RGPD3: variants seen among roughly 807,000 people sequenced by gnomAD.
The protein encoded by RGPD3 is ranBP2-like and GRIP domain-containing protein 3.
A neutral mutation model predicts 154.5 loss-of-function variants in RGPD3; 62 were observed. The ratio of observed to expected loss-of-function variants is 0.40; its 90% CI spans 0.33 to 0.50. RGPD3 has a LOEUF of 0.50. Ranked by LOEUF, RGPD3 falls within the 20% of genes least tolerant of loss-of-function variation. RGPD3 has a pLI of 0.59. For synonymous variants in RGPD3, 308 were observed against 607.0 expected (o/e 0.51, Z 7.24); for missense variants, 919 against 1,716.8 (o/e 0.54, Z 8.21).
chr2:106,415,708 C>G lies in RGPD3; in HGVS notation c.5064+142G>C, dbSNP rs1039383010. On this transcript the variant is annotated intron_variant, in intron 21 of 22. Coordinates refer to ENST00000409886, the MANE Select transcript of RGPD3 (RefSeq NM_001144013.2). ...AAAAAAAAAAAAAAAGGCAATATTTCTCACCATCAGGAATCTAATATAAAG... is the reference window on the plus strand; with the variant it reads ...AAAAAAAAAAAAAAAGGCAATATTTGTCACCATCAGGAATCTAATATAAAG... The G allele has an allele frequency of 4.7e-5, 20 of 426,410 alleles. No homozygotes were observed. In the East Asian group the frequency reaches 1.1e-3, roughly 23 times the overall value. 26.4% of individuals were successfully genotyped at this position (426,410 alleles called of 1,614,324 possible).
In RGPD3 at chr2:106,403,622, A is replaced by T. The variant is rs1195140947; in HGVS notation, c.*1597T>A. The stretch of plus-strand genomic sequence containing the variant: ...AGAAAGTGAAATATATTTAAATATG[A>T]TTAGTTACATCGTATGCAGCTGGCA... On this transcript the variant is annotated 3_prime_UTR_variant, in exon 23 of 23. Coordinates refer to ENST00000409886, the MANE Select transcript of RGPD3 (RefSeq NM_001144013.2). 2.0e-5 allele frequency among the ~76,000 whole-genome samples: 3 copies of T among 152,418 alleles called. No individual in the cohort carries two copies. The East Asian group carries it at 5.8e-4, about 29-fold the overall frequency.
intron 20 of RGPD3, among the ~76,000 whole-genome samples, chr2:106,421,103 T>A (rs1440846134): frequency 6.6e-6 from 1 of 152,214 alleles, no homozygotes; most frequent in Non-Finnish European, 1.5e-5. Flanking sequence ...CAGTACACCG[T>A]AAGATACAGA....
intron 22 of RGPD3, among the ~76,000 whole-genome samples, chr2:106,410,228 C>G (rs991708559): frequency 4.6e-5 from 7 of 152,046 alleles, no homozygotes; most frequent in African/African-American, 4.8e-5. Context: ...TGCTGCTAAA[C>G]CATCATGGTT....
chr2:106,410,828 A>C (rs1676648310), intron 22 of RGPD3, among the ~76,000 whole-genome samples: 2 of 152,080 alleles, frequency 1.3e-5, no homozygotes, highest in Admixed American at 6.6e-5. Flanking sequence ...AAAAATATAC[A>C]TGATGTATTC....
intron 22 of RGPD3, among the ~76,000 whole-genome samples, chr2:106,410,604 C>G (rs1676639990): frequency 6.6e-6 from 1 of 152,038 alleles, no homozygotes; most frequent in South Asian, 2.1e-4. Flanking sequence ...CTATTGAAAA[C>G]TTTAATTTTA....
chr2:106,450,049 C>G (rs935798165), intron 6 of RGPD3, among the ~76,000 whole-genome samples: 1 of 144,450 alleles, frequency 6.9e-6, no homozygotes, highest in African/African-American at 2.5e-5. Flanking sequence ...TCCTGGCCAA[C>G]ATGATGAAAC....
Position 106,424,839 on chromosome 2 carries a change from T to C in RGPD3, c.3128A>G (p.Gln1043Arg), listed in dbSNP as rs755351503. 6.2e-7 allele frequency: 1 copy of C among 1,611,828 alleles called. No individual in the cohort carries two copies. The highest frequency in any genetic ancestry group is 1.7e-5 in the Admixed American group (1 of 59,986). ...TACAAGTTCTACTTTTTCAGGCATT[T>C]GAACTACTGGTTCAAAATGGATGTC... ...SDDIHFEPVV[Q>R]MPEKVELVTG... Residue 1043 changes from glutamine to arginine, a missense_variant, in exon 20 of 23, where the codon CAA (glutamine) becomes CGA (arginine). Transcript: ENST00000409886.
At chr2:106,412,293 G>GTTTTTTTT (rs772813472) in intron 22 of RGPD3, among the ~76,000 whole-genome samples, 4 of 45,024 alleles carry the variant, frequency 8.9e-5, no homozygotes, top group Admixed American at 4.0e-4. Flanking sequence ...CTACATCATA[G>GTTTTTTTT]TTTTTTTTTT....
intron 19 of RGPD3, among the ~76,000 whole-genome samples, 182 bp from the exon 20 acceptor site, chr2:106,425,448 CATT>C (rs1390271949): frequency 6.8e-6 from 1 of 147,764 alleles, no homozygotes; most frequent in Non-Finnish European, 1.5e-5. Context: ...AAGCACTTTA[CATT>C]ATTATCTCAT....
intron 20 of RGPD3, among the ~76,000 whole-genome samples, chr2:106,422,824 A>T (rs1170287464): frequency 6.6e-6 from 1 of 151,862 alleles, no homozygotes; most frequent in Non-Finnish European, 1.5e-5. Context: ...AGCATGATAG[A>T]AGTATCTTCC....
rs773785614 is a variant in RGPD3, at chr2:106,423,734, T to C, written c.4233A>G (p.Ile1411Met). The C allele has an allele frequency of 6.2e-7, 1 of 1,611,844 alleles. No homozygotes were observed. The highest frequency in any genetic ancestry group is 8.5e-7 in the Non-Finnish European group (1 of 1,179,838). ...QVLKLCANHRITPDMSLQNMK... is the reference protein window; with the variant it reads ...QVLKLCANHRMTPDMSLQNMK... ...TATTTTGCAAACTCATGTCTGGAGT[T>C]ATTCTGTGATTGGCACAAAGTTTTA... The change falls in exon 20 of 23, where the codon ATA becomes ATG. Residue 1411 changes from isoleucine to methionine, a missense_variant. Transcript: ENST00000409886.
At chr2:106,448,120 T>C (rs1677990345) in intron 6 of RGPD3, among the ~76,000 whole-genome samples, 1 of 150,198 alleles carries the variant, frequency 6.7e-6, no homozygotes, top group Admixed American at 6.6e-5. Context: ...TTTTTTTTTT[T>C]TTTTTGAGAC....
chr2:106,469,458 G>GA (rs201578549), upstream of RGPD3, among the ~76,000 whole-genome samples: 3,447 of 151,924 alleles, frequency 0.023, 51 homozygotes, highest in Non-Finnish European at 0.034. Context: ...TGGTTTGAAG[G>GA]AAAAAAAATT....
At chr2:106,450,881 CAA>C (rs56400357) in intron 6 of RGPD3, among the ~76,000 whole-genome samples, 1 of 38,370 alleles carries the variant, frequency 2.6e-5, no homozygotes. Flanking sequence ...GACTCAGTCT[CAA>C]AAAAAAAAGA....
At chr2:106,409,407 A>T (rs1676604577) in intron 22 of RGPD3, among the ~76,000 whole-genome samples, 1 of 152,040 alleles carries the variant, frequency 6.6e-6, no homozygotes, top group Non-Finnish European at 1.5e-5. Flanking sequence ...CATCATTAAG[A>T]ATTTTCAGTG....
At position 106,424,370 on chromosome 2, in the gene RGPD3, C is replaced by T. The variant is rs771703051; in HGVS notation, c.3597G>A (p.Lys1199=). Residue 1199 remains lysine (K), a synonymous_variant, in exon 20 of 23, where the codon AAG becomes AAA. Transcript: ENST00000409886. The part of the protein sequence containing the change: ...AKLIQRAEEM[K]SGLKDFKTFL... The stretch of plus-strand genomic sequence containing the variant: ...ATGTTTTGAAATCTTTCAGTCCACT[C>T]TTCATTTCTTCAGCTCTCTGTATTA... The T allele has an allele frequency of 8.1e-6, 13 of 1,611,500 alleles. No homozygotes were observed. The African/African-American group carries it at 1.6e-4, about 20-fold the overall frequency.
intron 21 of RGPD3, among the ~76,000 whole-genome samples, chr2:106,415,080 C>T (rs1388690519): frequency 5.9e-5 from 9 of 151,784 alleles, no homozygotes; most frequent in Non-Finnish European, 1.0e-4. Context: ...GGAAATACCT[C>T]ATTTGAGTAA....
At chr2:106,446,465 G>T (rs1481388505) in intron 7 of RGPD3, among the ~76,000 whole-genome samples, 16 of 148,962 alleles carry the variant, frequency 1.1e-4, no homozygotes, top group African/African-American at 3.7e-4. Flanking sequence ...AGCTACTCAG[G>T]AGGCTGAGGC....
chr2:106,468,433 T>G, upstream of RGPD3: 2 of 1,480,366 alleles, frequency 1.4e-6, no homozygotes, highest in South Asian at 2.5e-5. Context: ...GTGTCCTGCG[T>G]CAACAGTGTG....
Sources: allele counts gnomAD v4.1 joint callset (sites outside exome capture counted in the v4.1 genomes callset), GRCh38; gene constraint gnomAD v4.1.1; transcripts MANE v1.5; gene names NCBI Gene and HGNC (gene_info 2026-07-23, HGNC 2026-07-21).